RAB6A: variants seen among roughly 807,000 people sequenced by gnomAD.
The protein encoded by RAB6A is ras-related protein Rab-6A.
RAB6A carries 8 observed loss-of-function variants against 32.3 expected under a neutral mutation model. The ratio of observed to expected loss-of-function variants is 0.25; its 90% CI spans 0.15 to 0.45. The LOEUF (loss-of-function observed/expected upper bound fraction) is 0.45. Among genes scored for constraint, RAB6A ranks in the 20% least tolerant of loss-of-function variants. RAB6A has a pLI of 1.00. For missense variants in RAB6A, 104 were observed against 249.4 expected (o/e 0.42, Z 3.93); for synonymous variants, 73 against 82.1 (o/e 0.89, Z 0.60).
At chr11:73,714,052 T>A (rs1230104571) in intron 5 of RAB6A, among the ~76,000 whole-genome samples, 1 of 151,064 alleles carries the variant, frequency 6.6e-6, no homozygotes, top group Non-Finnish European at 1.5e-5. Context: ...ATTAGCCAGA[T>A]GTGGTGGCAA....
chr11:73,686,791 C>T (rs891562316), intron 6 of RAB6A, among the ~76,000 whole-genome samples: 1 of 152,020 alleles, frequency 6.6e-6, no homozygotes, highest in African/African-American at 2.4e-5. Context: ...CACATATCTA[C>T]CTATTTTCAT....
At chr11:73,713,858 C>T (rs1015643460) in intron 5 of RAB6A, among the ~76,000 whole-genome samples, 3 of 152,034 alleles carry the variant, frequency 2.0e-5, no homozygotes, top group Non-Finnish European at 2.9e-5. Flanking sequence ...GTAATTTCAA[C>T]GCAACTGACA....
At position 73,677,778 on chromosome 11, in the gene RAB6A, A is replaced by G; in HGVS notation, c.*120T>C. 2 of 1,552,614 alleles carry G rather than the reference A, an allele frequency of 1.3e-6. No individual in the cohort carries two copies. Among genetic ancestry groups the G allele is most frequent in the Non-Finnish European group, 1.8e-6 (2 of 1,135,734 alleles). ...TCCACGAGACAGGCAGCAATGATGA[A>G]TTGCAATACGTTATTACTGAAGGGA... On this transcript the variant is annotated 3_prime_UTR_variant, in exon 8 of 8. Coordinates refer to ENST00000336083, the MANE Select transcript of RAB6A (RefSeq NM_198896.2).
chr11:73,715,514 G>C (rs777213775), intron 5 of RAB6A, among the ~76,000 whole-genome samples: 1 of 152,124 alleles, frequency 6.6e-6, no homozygotes, highest in East Asian at 1.9e-4. Context: ...TGCAACACTT[G>C]AATTAATATC....
chr11:73,741,658 G>A (rs1225112159), intron 1 of RAB6A, among the ~76,000 whole-genome samples: 1 of 152,110 alleles, frequency 6.6e-6, no homozygotes, highest in Admixed American at 6.6e-5. Context: ...CCACACAATT[G>A]AGTATTATTC....
chr11:73,719,236 AAAAAC>A (rs1204184577), intron 3 of RAB6A, among the ~76,000 whole-genome samples: 7 of 152,232 alleles, frequency 4.6e-5, no homozygotes, highest in East Asian at 1.9e-4. Context: ...AAATAGAGAA[AAAAAC>A]AAAACAAAAC....
intron 6 of RAB6A, among the ~76,000 whole-genome samples, chr11:73,687,473 T>C (rs952802523): frequency 6.6e-6 from 1 of 152,218 alleles, no homozygotes; most frequent in African/African-American, 2.4e-5. Flanking sequence ...TGTGAGCCAC[T>C]GTGCCCAGCT....
At chr11:73,715,638 G>A (rs1946040961) in intron 5 of RAB6A, among the ~76,000 whole-genome samples, 1 of 152,202 alleles carries the variant, frequency 6.6e-6, no homozygotes, top group African/African-American at 2.4e-5. Flanking sequence ...AGAATATGCA[G>A]TAAATCGCTT....
At position 73,707,415 on chromosome 11, in the gene RAB6A, C is replaced by T; in HGVS notation, c.495+5G>A. 5.6e-6 allele frequency: 9 copies of T among 1,601,646 alleles called. No individual in the cohort carries two copies. The highest frequency in any genetic ancestry group is 7.7e-6 in the Non-Finnish European group (9 of 1,169,278). On this transcript the variant is annotated splice_donor_5th_base_variant and intron_variant, in intron 6 of 7. Transcript: ENST00000336083. The stretch of plus-strand genomic sequence containing the variant: ...TTTCAATTTGGTAACCTCAACTCAA[C>T]TTACCTGCTTTACATTGTATCCAGC...
chr11:73,755,817 G>C (rs1198940811), intron 1 of RAB6A, among the ~76,000 whole-genome samples: 1 of 148,376 alleles, frequency 6.7e-6, no homozygotes, highest in African/African-American at 2.5e-5. Context: ...TGGAAAGGGG[G>C]AAGGAAGGGA....
intron 6 of RAB6A, among the ~76,000 whole-genome samples, chr11:73,697,393 T>G (rs1945671535): frequency 6.6e-6 from 1 of 152,000 alleles, no homozygotes; most frequent in South Asian, 2.1e-4. Flanking sequence ...TGCAGTGGCA[T>G]GGTCTCGGCT....
chr11:73,718,883 A>T, intron 3 of RAB6A, 165 bp from the exon 4 acceptor site: 1 of 1,605,050 alleles, frequency 6.2e-7, no homozygotes. Flanking sequence ...CCACAGCTGA[A>T]GCCTGATCTG....
chr11:73,725,709 G>A (rs538663654), intron 2 of RAB6A, among the ~76,000 whole-genome samples: 111 of 152,132 alleles, frequency 7.3e-4, no homozygotes, highest in Non-Finnish European at 1.5e-3. Context: ...ACAACATGTG[G>A]GAATTGTGGG....
At chr11:73,685,123 A>T (rs906276123) in intron 6 of RAB6A, among the ~76,000 whole-genome samples, 3 of 152,230 alleles carry the variant, frequency 2.0e-5, no homozygotes, top group African/African-American at 7.2e-5. Flanking sequence ...CTTGGGCCCT[A>T]GGTAGGCCAC....
At chr11:73,708,668 C>A (rs1565357175) in intron 5 of RAB6A, among the ~76,000 whole-genome samples, 1 of 152,188 alleles carries the variant, frequency 6.6e-6, no homozygotes, top group Non-Finnish European at 1.5e-5. Flanking sequence ...CTTAAGCTGG[C>A]AGATAAGTAT....
chr11:73,760,746 G>A lies in RAB6A; in HGVS notation c.-111C>T. 3 of 1,478,634 alleles carry A rather than the reference G, an allele frequency of 2.0e-6. No homozygotes were observed. The South Asian group carries it at 3.8e-5, about 19-fold the overall frequency. 91.6% of individuals were successfully genotyped at this position (1,478,634 alleles called of 1,614,324 possible). The stretch of plus-strand genomic sequence containing the variant: ...GGAAGGGCGGGCACCGAGCTCTCTC[G>A]GCCCCTGCAAGGCCCGGTGGAGGAG... On this transcript the variant is annotated 5_prime_UTR_variant, in exon 1 of 8. Transcript: ENST00000336083.
chr11:73,679,309 T>C (rs931875801), intron 7 of RAB6A, among the ~76,000 whole-genome samples: 1 of 151,956 alleles, frequency 6.6e-6, no homozygotes, highest in Non-Finnish European at 1.5e-5. Context: ...GCTCAAGTGT[T>C]AGAAAAAGAA....
rs867410850 is a variant in RAB6A, at chr11:73,730,552, C to T, written c.129+213G>A. The T allele has an allele frequency of 5.9e-4, 285 of 486,724 alleles. 1 individual carries two copies. The highest frequency in any genetic ancestry group is 4.6e-3 in the Middle Eastern group (14 of 3,020). 30.2% of individuals were successfully genotyped at this position (486,724 alleles called of 1,614,324 possible). ...CCTAGATGATATTGGAGATATATTTCAACAGACTTTGGAAGAGACAAAAGA... is the reference window on the plus strand; with the variant it reads ...CCTAGATGATATTGGAGATATATTTTAACAGACTTTGGAAGAGACAAAAGA... On this transcript the variant is annotated intron_variant, in intron 2 of 7. Coordinates refer to ENST00000336083, the MANE Select transcript of RAB6A (RefSeq NM_198896.2).
chr11:73,678,459 A>G (rs1004897129), intron 7 of RAB6A, among the ~76,000 whole-genome samples: 2 of 152,036 alleles, frequency 1.3e-5, no homozygotes, highest in African/African-American at 4.8e-5. Flanking sequence ...TCTACTAAAA[A>G]TATAAAAATT....
Sources: gnomAD v4.1 joint callset for allele counts (sites outside exome capture counted in the v4.1 genomes callset) on GRCh38, gnomAD v4.1.1 for gene constraint, MANE v1.5 for transcripts, NCBI Gene and HGNC (gene_info 2026-07-23, HGNC 2026-07-21) for gene names.